Variants in GALNT13 observed in about 807,000 individuals in gnomAD.
GALNT13 encodes the protein UDP-GalNAc:polypeptide N-acetylgalactosaminyltransferase 13.
In GALNT13, 28 loss-of-function variants were observed where a neutral mutation model predicts 64.2. The ratio of observed to expected loss-of-function variants is 0.44; its 90% CI spans 0.32 to 0.60. GALNT13 has a LOEUF of 0.60. Ranked by LOEUF, GALNT13 falls within the 20% of genes least tolerant of loss-of-function variation. GALNT13 has a pLI of 0.05. For missense variants in GALNT13, 577 were observed against 669.8 expected, an observed-to-expected ratio of 0.86 and a Z score of 1.53; for synonymous variants, 214 against 224.6, an observed-to-expected ratio of 0.95 and a Z score of 0.42.
At chr2:153,282,949 A>G in the GALNT13 span, among the ~76,000 whole-genome samples, 1 of 152,130 alleles carries the variant, frequency 6.6e-6, no homozygotes, top group Admixed American at 6.5e-5. Flanking sequence ...ACTTCTGTCA[A>G]TAGGTTTTGT....
chr2:154,438,230 A>G (rs1007855366), intron 11 of GALNT13, among the ~76,000 whole-genome samples: 19 of 152,240 alleles, frequency 1.2e-4, no homozygotes, highest in African/African-American at 4.3e-4. Flanking sequence ...ATACAATAGT[A>G]GGAACAGGGA....
chr2:153,944,690 G>T (rs1347391464), intron 3 of GALNT13, 51 bp downstream of exon 3: 2 of 1,471,844 alleles, frequency 1.4e-6, no homozygotes, highest in South Asian at 2.7e-5. Flanking sequence ...GAAAAGTGGT[G>T]CCTTGACAAA....
the GALNT13 span, chr2:153,478,831 T>G: frequency 1.4e-5 from 6 of 416,868 alleles, no homozygotes; most frequent in Non-Finnish European, 2.2e-5. Flanking sequence ...TGTTGGAACT[T>G]GGCGGGGCTG....
the GALNT13 span, among the ~76,000 whole-genome samples, chr2:153,828,560 C>A: frequency 1.6e-3 from 248 of 152,254 alleles, no homozygotes; most frequent in Non-Finnish European, 2.6e-3. Context: ...AGTCCCTAGA[C>A]TACACACAGC....
chr2:153,354,915 A>G, the GALNT13 span, among the ~76,000 whole-genome samples: 1 of 152,214 alleles, frequency 6.6e-6, no homozygotes, highest in Non-Finnish European at 1.5e-5. Flanking sequence ...GTTAATGCTC[A>G]TAATAAAGGC....
At chr2:153,738,671 C>T in the GALNT13 span, among the ~76,000 whole-genome samples, 1 of 151,800 alleles carries the variant, frequency 6.6e-6, no homozygotes, top group African/African-American at 2.4e-5. Flanking sequence ...TTCCTTCTTT[C>T]TGTGGTTGAA....
intron 9 of GALNT13, among the ~76,000 whole-genome samples, chr2:154,393,271 C>T (rs1293006366): frequency 6.6e-6 from 1 of 152,188 alleles, no homozygotes; most frequent in Non-Finnish European, 1.5e-5. Context: ...CAAGAAAAGT[C>T]TCTCCATCTT....
At chr2:153,477,371 TTAAA>T in the GALNT13 span, 1 of 152,360 alleles carries the variant, frequency 6.6e-6, no homozygotes, top group Non-Finnish European at 1.5e-5. Flanking sequence ...TAAGGAAATG[TTAAA>T]TAAGAAAAAA....
At chr2:153,688,593 T>G in the GALNT13 span, among the ~76,000 whole-genome samples, 1 of 152,006 alleles carries the variant, frequency 6.6e-6, no homozygotes, top group Non-Finnish European at 1.5e-5. Flanking sequence ...CTCTTGTTCT[T>G]TGAGTCATTA....
chr2:154,316,003 G>A (rs6720057), intron 9 of GALNT13, among the ~76,000 whole-genome samples: 23,619 of 152,104 alleles, frequency 0.16, 2,323 homozygotes, highest in East Asian at 0.21. Context: ...CAGTAGAATC[G>A]CTTGAACCCT....
upstream of GALNT13, among the ~76,000 whole-genome samples, chr2:153,867,646 A>T (rs778390663): frequency 6.6e-6 from 1 of 151,956 alleles, no homozygotes; most frequent in Non-Finnish European, 1.5e-5. Context: ...ATTATGAAAT[A>T]ATTATCTAAC....
chr2:154,358,512 C>CA (rs1208427120), intron 9 of GALNT13, among the ~76,000 whole-genome samples: 1 of 151,954 alleles, frequency 6.6e-6, no homozygotes, highest in Non-Finnish European at 1.5e-5. Context: ...TATCTGGACT[C>CA]AAAATCACTA....
At chr2:153,148,344 CAGTTTCCTAGTT>C in the GALNT13 span, among the ~76,000 whole-genome samples, 4 of 151,828 alleles carry the variant, frequency 2.6e-5, no homozygotes, top group African/African-American at 9.7e-5. Context: ...GGAATAATAT[CAGTTTCCTAGTT>C]AGGCAGCAGC....
chr2:154,208,523 C>T (rs1687589765), intron 4 of GALNT13, among the ~76,000 whole-genome samples: 1 of 151,888 alleles, frequency 6.6e-6, no homozygotes, highest in Non-Finnish European at 1.5e-5. Context: ...TTCCTGGAGT[C>T]ATGCAGTGGC....
rs114795837 is a variant in GALNT13 at position 153,968,863 on chromosome 2, G to C, written c.142+24224G>C. 3.8e-3 allele frequency among the ~76,000 whole-genome samples: 573 copies of C among 152,178 alleles called. 4 individuals are homozygous for C. Among genetic ancestry groups the C allele is most frequent in the African/African-American group, 0.012 (515 of 41,540 alleles). On this transcript the variant is annotated intron_variant, in intron 3 of 12. Coordinates refer to ENST00000392825, the MANE Select transcript of GALNT13 (RefSeq NM_052917.4). Reference sequence around the variant, plus strand: ...TATTGATCTTCTTATCTCATCATCAGTATGTGTATACATATCTCACCACAG... The same window carrying C: ...TATTGATCTTCTTATCTCATCATCACTATGTGTATACATATCTCACCACAG...
chr2:154,037,865 G>T (rs1414591390), intron 3 of GALNT13, among the ~76,000 whole-genome samples: 7 of 152,084 alleles, frequency 4.6e-5, no homozygotes, highest in Non-Finnish European at 1.0e-4. Flanking sequence ...TAAAAATATT[G>T]TAAGATGACT....
At chr2:153,356,876 C>T in the GALNT13 span, among the ~76,000 whole-genome samples, 1 of 147,132 alleles carries the variant, frequency 6.8e-6, no homozygotes, top group Admixed American at 6.9e-5. Context: ...CGGCTCACTG[C>T]ACGCTCTGCC....
chr2:153,355,572 A>G, the GALNT13 span, among the ~76,000 whole-genome samples: 3 of 152,242 alleles, frequency 2.0e-5, no homozygotes, highest in Admixed American at 6.5e-5. Flanking sequence ...TATGAAAACA[A>G]TGGATCAAAA....
chr2:154,107,286 G>A (rs1047020019), intron 3 of GALNT13, among the ~76,000 whole-genome samples: 2 of 151,930 alleles, frequency 1.3e-5, no homozygotes, highest in Admixed American at 6.6e-5. Context: ...TAACTAAAAC[G>A]CATTTGTTAT....
Sources: gnomAD v4.1 joint callset for allele counts (sites outside exome capture counted in the v4.1 genomes callset) on GRCh38, gnomAD v4.1.1 for gene constraint, MANE v1.5 for transcripts, NCBI Gene and HGNC (gene_info 2026-07-23, HGNC 2026-07-21) for gene names.